The following TENM3 variants were observed in gnomAD, a reference collection of about 807,000 sequenced individuals.
TENM3 encodes the protein teneurin-3.
A neutral mutation model predicts 255.1 loss-of-function variants in TENM3; 63 were observed. The ratio of observed to expected loss-of-function variants is 0.25; its 90% confidence interval spans 0.20 to 0.30. TENM3 has a LOEUF of 0.30. TENM3 is among the 10% of genes least tolerant of loss of function. The pLI, the probability that TENM3 is intolerant of heterozygous loss-of-function variation, is 1.00. For synonymous variants in TENM3, 1,306 were observed against 1,322.3 expected (o/e 0.99, Z 0.27); for missense variants, 2,929 against 3,461.1 (o/e 0.85, Z 3.86).
chr4:181,998,756 T>C, the TENM3 span, among the ~76,000 whole-genome samples: 1 of 152,274 alleles, frequency 6.6e-6, no homozygotes, highest in South Asian at 2.1e-4. Flanking sequence ...TTCCAATAAC[T>C]GTATGTTTTC....
chr4:182,486,499 C>T (rs1350319), intron 3 of TENM3, among the ~76,000 whole-genome samples: 112,342 of 152,090 alleles, frequency 0.74, 43,093 homozygotes, highest in East Asian at 0.92. Flanking sequence ...CAATCACTGA[C>T]ACAACTAGTT....
At chr4:181,563,635 T>C in the TENM3 span, among the ~76,000 whole-genome samples, 2 of 152,330 alleles carry the variant, frequency 1.3e-5, no homozygotes, top group South Asian at 2.1e-4. Context: ...TTATCTTGAA[T>C]TTATTTTAAT....
Position 182,391,656 on chromosome 4 carries a change from CA to C in TENM3, c.511+44730del, listed in dbSNP as rs147249831. Among the ~76,000 whole-genome samples, 587 of 152,288 alleles carry C rather than the reference CA, an allele frequency of 3.9e-3. 24 individuals are homozygous for C. In the East Asian group the frequency reaches 0.081, roughly 21 times the overall value. On this transcript the variant is annotated intron_variant, in intron 3 of 27. Coordinates refer to ENST00000511685, the MANE Select transcript of TENM3 (RefSeq NM_001080477.4). ...TATGCAGCTCGTAGCATCTTTTATT[CA>C]AAGGTCAATTCCAATGCACTGTATA...
At chr4:181,886,105 T>C in the TENM3 span, among the ~76,000 whole-genome samples, 6 of 144,034 alleles carry the variant, frequency 4.2e-5, no homozygotes, top group African/African-American at 1.3e-4. Flanking sequence ...CAGGCTGAAA[T>C]GCAGTGGCGT....
chr4:182,567,944 T>C, intron 3 of TENM3, among the ~76,000 whole-genome samples: 1 of 152,242 alleles, frequency 6.6e-6, no homozygotes, highest in South Asian at 2.1e-4. Flanking sequence ...TTCAAAAGTA[T>C]TTCTTCATAG....
the TENM3 span, among the ~76,000 whole-genome samples, chr4:181,496,356 C>T: frequency 8.6e-6 from 1 of 115,868 alleles, no homozygotes; most frequent in Non-Finnish European, 1.5e-5. Flanking sequence ...AATTTCTTCA[C>T]TGTTCATCCA....
chr4:182,426,907 C>G (rs1017954311), intron 3 of TENM3, among the ~76,000 whole-genome samples: 13 of 152,112 alleles, frequency 8.5e-5, no homozygotes, highest in Non-Finnish European at 1.6e-4. Flanking sequence ...TATTGAATTT[C>G]TAAACATGTT....
At chr4:181,624,401 A>G in the TENM3 span, among the ~76,000 whole-genome samples, 1 of 152,224 alleles carries the variant, frequency 6.6e-6, no homozygotes, top group Non-Finnish European at 1.5e-5. Context: ...TAAAGAAGCA[A>G]GGAAGAGATG....
At chr4:182,755,631 G>GAC (rs1762684363) in intron 22 of TENM3, among the ~76,000 whole-genome samples, 1 of 152,134 alleles carries the variant, frequency 6.6e-6, no homozygotes, top group Admixed American at 6.5e-5. Flanking sequence ...GAGGTCAGAA[G>GAC]ATCGAGACCA....
At chr4:181,969,849 C>T in the TENM3 span, among the ~76,000 whole-genome samples, 216 of 152,282 alleles carry the variant, frequency 1.4e-3, no homozygotes, top group Non-Finnish European at 4.1e-4. Context: ...TACCACCTGA[C>T]AAGAAACAAT....
intron 4 of TENM3, among the ~76,000 whole-genome samples, chr4:182,628,416 A>G (rs927876367): frequency 1.3e-5 from 2 of 152,178 alleles, no homozygotes; most frequent in African/African-American, 4.8e-5. Context: ...ATTTATATGT[A>G]TAAATCCTGC....
chr4:182,288,072 G>A (rs1320389509), intron 1 of TENM3, among the ~76,000 whole-genome samples: 1 of 151,966 alleles, frequency 6.6e-6, no homozygotes, highest in Non-Finnish European at 1.5e-5. Context: ...TGAGTAGCTG[G>A]GATTACAGGC....
intron 8 of TENM3, 99 bp downstream of exon 8, chr4:182,679,975 G>T (rs1020981419): frequency 1.9e-6 from 2 of 1,065,012 alleles, no homozygotes; most frequent in South Asian, 1.5e-5. Flanking sequence ...TAATTCCTAG[G>T]GTGTTAAAGC....
chr4:182,307,448 C>T (rs778206130), intron 1 of TENM3, among the ~76,000 whole-genome samples: 1 of 152,196 alleles, frequency 6.6e-6, no homozygotes, highest in Non-Finnish European at 1.5e-5. Flanking sequence ...AAAATGCCAA[C>T]ACCCAGTTGG....
At chr4:181,813,794 C>G in the TENM3 span, among the ~76,000 whole-genome samples, 1 of 151,846 alleles carries the variant, frequency 6.6e-6, no homozygotes, top group Non-Finnish European at 1.5e-5. Context: ...TCTCATCTTA[C>G]GGAGGTAGAA....
At chr4:181,842,862 T>C in the TENM3 span, among the ~76,000 whole-genome samples, 1 of 152,206 alleles carries the variant, frequency 6.6e-6, no homozygotes, top group African/African-American at 2.4e-5. Context: ...TCAGTGAGCC[T>C]GCAGGATGAT....
At chr4:181,876,356 G>A in the TENM3 span, among the ~76,000 whole-genome samples, 1 of 152,022 alleles carries the variant, frequency 6.6e-6, no homozygotes, top group African/African-American at 2.4e-5. Flanking sequence ...TGAAATATGG[G>A]GAACACCTTT....
At chr4:181,707,872 G>C in the TENM3 span, among the ~76,000 whole-genome samples, 1 of 152,184 alleles carries the variant, frequency 6.6e-6, no homozygotes, top group South Asian at 2.1e-4. Context: ...ATAGAATCTA[G>C]TAATTGATTC....
intron 3 of TENM3, among the ~76,000 whole-genome samples, chr4:182,586,143 G>A (rs780502907): frequency 3.3e-5 from 5 of 152,090 alleles, no homozygotes; most frequent in African/African-American, 4.8e-5. Flanking sequence ...TGTAGTACCC[G>A]CTACTCAGGA....
Sources: allele counts gnomAD v4.1 joint callset (sites outside exome capture counted in the v4.1 genomes callset), GRCh38; gene constraint gnomAD v4.1.1; transcripts MANE v1.5; gene names NCBI Gene and HGNC (gene_info 2026-07-23, HGNC 2026-07-21).